HSPA5: variants seen among roughly 807,000 people sequenced by gnomAD.
HSPA5 encodes the protein endoplasmic reticulum chaperone BiP.
HSPA5 carries 16 observed loss-of-function variants against 49.5 expected under a neutral mutation model. That is an observed-to-expected ratio of 0.32 (90% CI 0.22 to 0.49). The LOEUF is 0.49. HSPA5 is among the 20% of genes least tolerant of loss of function. The pLI is 0.99. For synonymous variants in HSPA5, 271 were observed against 307.2 expected, an observed-to-expected ratio of 0.88 and a Z score of 1.23; for missense variants, 376 against 819.0, an observed-to-expected ratio of 0.46 and a Z score of 6.60.
chr9:125,238,735 A>G lies in HSPA5; in HGVS notation c.1089T>C (p.Gly363=), dbSNP rs1379044456. The change falls in exon 6 of 8, where the codon GGT becomes GGC. Residue 363 remains glycine (G), a synonymous_variant. Coordinates refer to ENST00000324460, the MANE Select transcript of HSPA5 (RefSeq NM_005347.5). ...KSDIDEIVLV[G]GSTRIPKIQQ... is the part of the protein sequence containing the mutation. ...GAATCTTTGGAATTCGAGTCGAGCCACCAACAAGAACAATTTCATCAATAT... is the reference window on the plus strand; with the variant it reads ...GAATCTTTGGAATTCGAGTCGAGCCGCCAACAAGAACAATTTCATCAATAT... 6.2e-7 allele frequency: 1 copy of G among 1,614,212 alleles called. No homozygotes were observed. The highest frequency in any genetic ancestry group is 1.7e-5 in the Admixed American group (1 of 60,008).
chr9:125,241,009 A>T lies in HSPA5; in HGVS notation c.118T>A (p.Ser40Thr). Residue 40 changes from serine (S) to threonine (T), a missense_variant, in exon 1 of 8, where the codon TCC becomes ACC. Ser to Thr is a moderately conservative substitution (Grantham distance 58). Coordinates refer to ENST00000324460, the MANE Select transcript of HSPA5 (RefSeq NM_005347.5). The stretch of plus-strand genomic sequence containing the variant: ...TGCATCCGCAACCCCACTTACCAGG[A>T]GTAGGTGGTCCCCAGGTCGATGCCG... ...VVGIDLGTTY[S>T]CVGVFKNGRV... 2 of 1,613,378 alleles carry T rather than the reference A, an allele frequency of 1.2e-6. No homozygotes were observed. The highest frequency in any genetic ancestry group is 2.2e-5 in the South Asian group (2 of 90,954).
chr9:125,241,167 G>C lies in HSPA5; in HGVS notation c.-41C>G. 1 of 1,595,698 alleles carries C rather than the reference G, an allele frequency of 6.3e-7. No homozygotes were observed. Among genetic ancestry groups the C allele is most frequent in the Non-Finnish European group, 8.5e-7 (1 of 1,172,798 alleles). On this transcript the variant is annotated 5_prime_UTR_variant, in exon 1 of 8. Coordinates refer to ENST00000324460, the MANE Select transcript of HSPA5 (RefSeq NM_005347.5). ...GGCAGCAGCAGGCAGTCCAGCCACA[G>C]GCCGTAGCACAGGAGCACAGCGCAA... is the stretch of plus-strand genomic sequence containing the variant.
Position 125,236,911 on chromosome 9 carries a change from G to A in HSPA5, c.1646C>T (p.Ala549Val). Residue 549 changes from alanine to valine, a missense_variant, in exon 8 of 8, where the codon GCT becomes GTT. Ala to Val is a moderately conservative substitution (Grantham distance 64, BLOSUM62 0). Coordinates refer to ENST00000324460, the MANE Select transcript of HSPA5 (RefSeq NM_005347.5). ...ERMVNDAEKF[A>V]EEDKKLKERI... ...CTCCTTGAGCTTTTTGTCTTCCTCA[G>A]CAAACTTCTCAGCATCATTAACCAT... 1 of 1,613,924 alleles carries A rather than the reference G, an allele frequency of 6.2e-7. No homozygotes were observed. Among genetic ancestry groups the A allele is most frequent in the Non-Finnish European group, 8.5e-7 (1 of 1,179,872 alleles).
In HSPA5 at chr9:125,236,733, G is replaced by T; in HGVS notation, c.1824C>A (p.His608Gln). The T allele has an allele frequency of 6.2e-7, 1 of 1,613,804 alleles. No individual in the cohort carries two copies. The highest frequency in any genetic ancestry group is 8.5e-7 in the Non-Finnish European group (1 of 1,179,770). Reference protein sequence around the residue: ...VEEKIEWLESHQDADIEDFKA... With the variant: ...VEEKIEWLESQQDADIEDFKA... ...TGAAGTCTTCAATGTCAGCATCTTG[G>T]TGGCTTTCCAGCCATTCAATCTTTT... Residue 608 changes from histidine (H) to glutamine (Q), a missense_variant, in exon 8 of 8, where the codon CAC (histidine) becomes CAA (glutamine). His to Gln is a conservative substitution (Grantham distance 24, BLOSUM62 0). Transcript: ENST00000324460.
chr9:125,240,112 A>C lies in HSPA5; in HGVS notation c.492+60T>G. 2 of 1,403,004 alleles carry C rather than the reference A, an allele frequency of 1.4e-6. No homozygotes were observed. Among genetic ancestry groups the C allele is most frequent in the Non-Finnish European group, 2.0e-6 (2 of 1,020,130 alleles). 86.9% of individuals were successfully genotyped at this position (1,403,004 alleles called of 1,614,324 possible). ...CCCTTCACGAAGGCTTCTATACATA[A>C]CAGCCAACCGAGAATACTAATGATC... is the stretch of plus-strand genomic sequence containing the variant. On this transcript the variant is annotated intron_variant, in intron 3 of 7. Coordinates refer to ENST00000324460, the MANE Select transcript of HSPA5 (RefSeq NM_005347.5). The surrounding 1 kb of genome is among the most constrained non-coding windows in gnomAD (Gnocchi z 4.4).
chr9:125,236,575 C>T lies in HSPA5; in HGVS notation c.*17G>A, dbSNP rs1333898323. The T allele has an allele frequency of 6.6e-7, 1 of 1,524,004 alleles. No individual in the cohort carries two copies. The highest frequency in any genetic ancestry group is 1.3e-5 in the South Asian group (1 of 79,954). 94.4% of individuals were successfully genotyped at this position (1,524,004 alleles called of 1,614,324 possible). A position where few individuals can be genotyped will look rare whatever the true frequency, so the allele number is the denominator to read the frequency against. ...GAGTCCAGTATTTACAATATTACAG[C>T]ACTAGCAGATCAGTGTCTACAACTC... On this transcript the variant is annotated 3_prime_UTR_variant, in exon 8 of 8. Transcript: ENST00000324460.
rs1449162533 is a variant in HSPA5 at position 125,238,172 on chromosome 9, A to G, written c.1371T>C (p.Asn457=). The change falls in exon 7 of 8, where the codon AAT becomes AAC. Residue 457 remains asparagine, a synonymous_variant. Coordinates refer to ENST00000324460, the MANE Select transcript of HSPA5 (RefSeq NM_005347.5). ...AGACCTTGATTGTAACAGTTGGTTG[A>G]TTATCAGAAGCTGTAGAAAAGATCT... The part of the protein sequence containing the change: ...KSQIFSTASD[N]QPTVTIKVYE... 3.7e-6 allele frequency: 6 copies of G among 1,613,842 alleles called. No homozygotes were observed. Among genetic ancestry groups the G allele is most frequent in the Admixed American group, 1.7e-5 (1 of 59,976 alleles).
rs1588431860 is a variant in HSPA5, at chr9:125,240,986, C to T, written c.122+19G>A. 6.2e-7 allele frequency: 1 copy of T among 1,611,748 alleles called. No homozygotes were observed. The highest frequency in any genetic ancestry group is 1.1e-5 in the South Asian group (1 of 90,744). On this transcript the variant is annotated intron_variant, in intron 1 of 7. Transcript: ENST00000324460. The surrounding 1 kb of genome is among the most constrained non-coding windows in gnomAD (Gnocchi z 4.4). ...CAGGCGGCCACGCCCCGTCCCCCTG[C>T]ATCCGCAACCCCACTTACCAGGAGT...
intron 7 of HSPA5, 63 bp from the exon 8 acceptor site, chr9:125,237,217 C>A: frequency 8.4e-7 from 1 of 1,187,988 alleles, no homozygotes; most frequent in Non-Finnish European, 1.2e-6. Flanking sequence ...CATCTAGATC[C>A]CCGCATTTCA....
In HSPA5 at chr9:125,238,413, G is replaced by A. The variant is rs1343150217; in HGVS notation, c.1235-105C>T. ...AGGTTCTAACACACACATTTTAAAG[G>A]CAGTGAATTAAACAGTTGCTAATGA... On this transcript the variant is annotated intron_variant, in intron 6 of 7. Coordinates refer to ENST00000324460, the MANE Select transcript of HSPA5 (RefSeq NM_005347.5). 2.7e-6 allele frequency: 3 copies of A among 1,098,500 alleles called. No individual in the cohort carries two copies. In the Admixed American group the frequency reaches 6.2e-5, roughly 23 times the overall value. 68.0% of individuals were successfully genotyped at this position (1,098,500 alleles called of 1,614,324 possible).
At position 125,240,589 on chromosome 9, in the gene HSPA5, G is replaced by A. The variant is rs1321243297; in HGVS notation, c.354+87C>T. 1.2e-5 allele frequency: 13 copies of A among 1,101,560 alleles called. No homozygotes were observed. Among genetic ancestry groups the A allele is most frequent in the Non-Finnish European group, 1.8e-5 (13 of 737,124 alleles). The allele number at this position is 1,101,560 out of a possible 1,614,324, so 68.2% of individuals were successfully genotyped here. ...ATCATGTCTATAACCTTCAACTGTT[G>A]TCTCAACACTTTTCCAGAGACTTAT... is the stretch of plus-strand genomic sequence containing the variant. On this transcript the variant is annotated intron_variant, in intron 2 of 7. Coordinates refer to ENST00000324460, the MANE Select transcript of HSPA5 (RefSeq NM_005347.5). The surrounding 1 kb of genome is among the most constrained non-coding windows in gnomAD (Gnocchi z 4.4).
rs750843432 is a variant in HSPA5 at position 125,238,311 on chromosome 9, G to A, written c.1235-3C>T. ...TACATCAAGCAGTACCAGGTCACCT[G>A]TAAGGATAAGTTATTTAACTTTTAA... On this transcript the variant is annotated splice_polypyrimidine_tract_variant and splice_region_variant and intron_variant, in intron 6 of 7. Transcript: ENST00000324460. 6.2e-7 allele frequency: 1 copy of A among 1,611,420 alleles called. No homozygotes were observed. The highest frequency in any genetic ancestry group is 8.5e-7 in the Non-Finnish European group (1 of 1,178,220).
Position 125,235,830 on chromosome 9 carries a change from C to T in HSPA5, c.*762G>A, listed in dbSNP as rs1250318440. 1 of 151,970 alleles carries T rather than the reference C, an allele frequency of 6.6e-6. No homozygotes were observed. Among genetic ancestry groups the T allele is most frequent in the Non-Finnish European group, 1.5e-5 (1 of 67,988 alleles). 9.4% of individuals were successfully genotyped at this position (151,970 alleles called of 1,614,324 possible). A position where few individuals can be genotyped will look rare whatever the true frequency, so the allele number is the denominator to read the frequency against. The stretch of plus-strand genomic sequence containing the variant: ...AGAATCCAAGCAGCTATAAAAGCAT[C>T]ATTAGTAATAATTTTAAAAAAAGCC... On this transcript the variant is annotated 3_prime_UTR_variant, in exon 8 of 8. Transcript: ENST00000324460.
chr9:125,237,457 A>C (rs1476629864), intron 7 of HSPA5, among the ~76,000 whole-genome samples: 1 of 152,142 alleles, frequency 6.6e-6, no homozygotes, highest in Admixed American at 6.6e-5. Context: ...TCACACCTGT[A>C]ATAATCCCAG....
intron 6 of HSPA5, 54 bp downstream of exon 6, chr9:125,238,536 A>G: frequency 7.3e-7 from 1 of 1,375,560 alleles, no homozygotes; most frequent in East Asian, 2.3e-5. Context: ...ATAGCTAATG[A>G]GTCTTCCATC....
intron 7 of HSPA5, 61 bp downstream of exon 7, chr9:125,238,080 C>A: frequency 7.3e-7 from 1 of 1,366,632 alleles, no homozygotes; most frequent in Non-Finnish European, 1.0e-6. Flanking sequence ...CCAGCCTGGG[C>A]AACAGAGCAA....
At chr9:125,237,601 A>G (rs1182440052) in intron 7 of HSPA5, among the ~76,000 whole-genome samples, 3 of 151,638 alleles carry the variant, frequency 2.0e-5, no homozygotes, top group Non-Finnish European at 4.4e-5. Flanking sequence ...CTGTAATCCC[A>G]GCTATTCGGG....
In HSPA5 at chr9:125,238,995, T is replaced by G; in HGVS notation, c.942A>C (p.Glu314Asp). The change falls in exon 5 of 8, where the codon GAA becomes GAC. Residue 314 changes from glutamate to aspartate, a missense_variant. By Grantham distance (45) the Glu-to-Asp change is conservative. This residue lies in a region of HSPA5 where 89 missense variants were observed against 155.9 expected (regional missense o/e 0.57). Transcript: ENST00000324460. ...QARIEIESFY[E>D]GEDFSETLTR... ...TCAGGGTCTCAGAAAAGTCTTCTCCTTCATAGAAGGACTCAATTTCAATTC... is the reference window on the plus strand; with the variant it reads ...TCAGGGTCTCAGAAAAGTCTTCTCCGTCATAGAAGGACTCAATTTCAATTC... 1 of 1,613,948 alleles carries G rather than the reference T, an allele frequency of 6.2e-7. No homozygotes were observed. Among genetic ancestry groups the G allele is most frequent in the African/African-American group, 1.3e-5 (1 of 75,042 alleles).
chr9:125,239,364 G>A lies in HSPA5; in HGVS notation c.606-33C>T. 1 of 1,613,368 alleles carries A rather than the reference G, an allele frequency of 6.2e-7. No individual in the cohort carries two copies. The highest frequency in any genetic ancestry group is 8.5e-7 in the Non-Finnish European group (1 of 1,179,338). On this transcript the variant is annotated intron_variant, in intron 4 of 7. Coordinates refer to ENST00000324460, the MANE Select transcript of HSPA5 (RefSeq NM_005347.5). The surrounding 1 kb of genome is among the most constrained non-coding windows in gnomAD (Gnocchi z 5.5). ...ATTGAAAAAGGGAAAAGTTTTGTCA[G>A]TACTTCACATTTCCACTATTTGGCA...
Sources: gnomAD v4.1 joint callset for allele counts (sites outside exome capture counted in the v4.1 genomes callset) on GRCh38, gnomAD v4.1.1 for gene constraint, gnomAD v4.1.1 regional missense constraint, Gnocchi (gnomAD v3.1) non-coding constraint, MANE v1.5 for transcripts, NCBI Gene and HGNC (gene_info 2026-07-23, HGNC 2026-07-21) for gene names.